The following SAMTOR variants were observed in gnomAD, a reference collection of about 807,000 sequenced individuals.
The protein encoded by SAMTOR is S-adenosylmethionine sensor upstream of mTORC1, also known as UPF0532 protein C7orf60.
At chr7:112,895,446 T>C in the SAMTOR span, 1 of 615,706 alleles carries the variant, frequency 1.6e-6, no homozygotes, top group Non-Finnish European at 2.6e-6. Context: ...TATCTGCATT[T>C]CTCAGTCTAT....
the SAMTOR span, among the ~76,000 whole-genome samples, chr7:112,910,642 G>C: frequency 6.6e-6 from 1 of 151,996 alleles, no homozygotes; most frequent in Non-Finnish European, 1.5e-5. Flanking sequence ...TCTAATGGCG[G>C]TACACCTCAC....
the SAMTOR span, among the ~76,000 whole-genome samples, chr7:112,895,256 A>G: frequency 6.6e-6 from 1 of 151,172 alleles, no homozygotes; most frequent in Non-Finnish European, 1.5e-5. Flanking sequence ...TGTTATATAC[A>G]CACATATAGC....
chr7:112,920,581 T>C, the SAMTOR span, among the ~76,000 whole-genome samples: 2 of 149,334 alleles, frequency 1.3e-5, no homozygotes, highest in Non-Finnish European at 3.0e-5. Flanking sequence ...TTCAACATAG[T>C]GTTGGAAGTT....
the SAMTOR span, among the ~76,000 whole-genome samples, chr7:112,841,171 T>C: frequency 6.6e-6 from 1 of 152,100 alleles, no homozygotes; most frequent in Non-Finnish European, 1.5e-5. Flanking sequence ...TGATTGTATA[T>C]TTAGAAAACC....
chr7:112,888,954 T>C, the SAMTOR span, among the ~76,000 whole-genome samples: 1 of 152,144 alleles, frequency 6.6e-6, no homozygotes, highest in African/African-American at 2.4e-5. Flanking sequence ...CATTTTATAT[T>C]TAGACACAAA....
the SAMTOR span, among the ~76,000 whole-genome samples, chr7:112,854,321 A>G: frequency 6.6e-6 from 1 of 152,156 alleles, no homozygotes; most frequent in East Asian, 1.9e-4. Flanking sequence ...GCCAGAAAAC[A>G]GCTTCTCCTC....
At chr7:112,820,798 T>C in the SAMTOR span, 8 of 152,018 alleles carry the variant, frequency 5.3e-5, no homozygotes. Flanking sequence ...TTTTTCCATA[T>C]AATTTGAAAC....
chr7:112,823,256 C>A, the SAMTOR span, among the ~76,000 whole-genome samples: 4 of 152,010 alleles, frequency 2.6e-5, no homozygotes, highest in Non-Finnish European at 5.9e-5. Flanking sequence ...TTAAAGGCAG[C>A]TTTATTGATG....
At chr7:112,917,237 T>TACTCC in the SAMTOR span, among the ~76,000 whole-genome samples, 2 of 152,096 alleles carry the variant, frequency 1.3e-5, no homozygotes, top group African/African-American at 4.8e-5. Flanking sequence ...CACGGCCGGG[T>TACTCC]ACTCCTCTGA....
the SAMTOR span, among the ~76,000 whole-genome samples, chr7:112,841,034 G>A: frequency 1.3e-5 from 2 of 152,034 alleles, no homozygotes; most frequent in Non-Finnish European, 2.9e-5. Flanking sequence ...TGACAAGGAT[G>A]CCCCCTCTCA....
the SAMTOR span, among the ~76,000 whole-genome samples, chr7:112,925,566 G>A: frequency 2.0e-5 from 3 of 152,230 alleles, no homozygotes; most frequent in East Asian, 1.9e-4. Context: ...GGCCAAGGCC[G>A]GCAGATTACC....
the SAMTOR span, among the ~76,000 whole-genome samples, chr7:112,845,003 C>G: frequency 2.0e-5 from 3 of 151,896 alleles, no homozygotes; most frequent in Non-Finnish European, 4.4e-5. Flanking sequence ...GGAAAGGACA[C>G]TGAATAAATG....
At chr7:112,872,963 A>C in the SAMTOR span, among the ~76,000 whole-genome samples, 1 of 151,906 alleles carries the variant, frequency 6.6e-6, no homozygotes, top group African/African-American at 2.4e-5. Flanking sequence ...ACACACCCAC[A>C]CACCCACACA....
chr7:112,890,368 C>G, the SAMTOR span, among the ~76,000 whole-genome samples: 3 of 151,910 alleles, frequency 2.0e-5, no homozygotes, highest in African/African-American at 7.3e-5. Context: ...AACAACCCCC[C>G]CCACCTCTGA....
At chr7:112,906,018 T>C in the SAMTOR span, among the ~76,000 whole-genome samples, 32 of 152,172 alleles carry the variant, frequency 2.1e-4, no homozygotes, top group African/African-American at 7.5e-4. Context: ...AGAAAATTCA[T>C]TAAAATGGTA....
At chr7:112,826,048 T>G in the SAMTOR span, among the ~76,000 whole-genome samples, 6 of 152,136 alleles carry the variant, frequency 3.9e-5, no homozygotes, top group African/African-American at 1.4e-4. Context: ...TATTATCCTT[T>G]TAAAATACCT....
At chr7:112,881,074 C>A in the SAMTOR span, among the ~76,000 whole-genome samples, 1 of 152,168 alleles carries the variant, frequency 6.6e-6, no homozygotes, top group Admixed American at 6.5e-5. Flanking sequence ...TCCACTGCCC[C>A]GCAGGCTCAG....
chr7:112,860,654 G>C, the SAMTOR span, among the ~76,000 whole-genome samples: 8 of 152,084 alleles, frequency 5.3e-5, no homozygotes, highest in African/African-American at 1.9e-4. Flanking sequence ...TGTAATCCCA[G>C]CACTTTGGGA....
the SAMTOR span, among the ~76,000 whole-genome samples, chr7:112,871,716 A>G: frequency 6.7e-6 from 1 of 148,588 alleles, no homozygotes; most frequent in Non-Finnish European, 1.5e-5. Context: ...GATCAATGTT[A>G]ATAGCATAAA....
Sources: allele counts gnomAD v4.1 joint callset (sites outside exome capture counted in the v4.1 genomes callset), GRCh38; gene constraint gnomAD v4.1.1; transcripts MANE v1.5; gene names NCBI Gene and HGNC (gene_info 2026-07-23, HGNC 2026-07-21).